Variants in EPS8 observed in about 807,000 individuals in gnomAD.
EPS8 encodes the protein EGFR pathway substrate 8, signaling adaptor.
A neutral mutation model predicts 103.8 loss-of-function variants in EPS8; 42 were observed. The observed-to-expected ratio is 0.40, with a 90% confidence interval of 0.32 to 0.52. The LOEUF (loss-of-function observed/expected upper bound fraction) is 0.52, where lower values mean the gene tolerates loss of function less well. Ranked by LOEUF, EPS8 falls within the 20% of genes least tolerant of loss-of-function variation. EPS8 has a pLI of 0.40. For synonymous variants in EPS8, 344 were observed against 344.6 expected, an observed-to-expected ratio of 1.00 and a Z score of 0.02; for missense variants, 969 against 1,005.1, an observed-to-expected ratio of 0.96 and a Z score of 0.49.
chr12:15,681,616 G>A (rs1338194333), intron 2 of EPS8, among the ~76,000 whole-genome samples: 1 of 150,674 alleles, frequency 6.6e-6, no homozygotes, highest in Non-Finnish European at 1.5e-5. Context: ...TGTAATCCCA[G>A]CTACTCGGGA....
At chr12:15,679,865 ATC>A (rs1349218363) in intron 3 of EPS8, among the ~76,000 whole-genome samples, 3 of 152,210 alleles carry the variant, frequency 2.0e-5, no homozygotes, top group Non-Finnish European at 4.4e-5. Flanking sequence ...CTTAATAAAT[ATC>A]TGTCTAGAAA....
chr12:15,766,677 T>C (rs1947102347), intron 1 of EPS8, among the ~76,000 whole-genome samples: 1 of 141,208 alleles, frequency 7.1e-6, no homozygotes, highest in Non-Finnish European at 1.5e-5. Context: ...AAACTCTGTC[T>C]CCAAAAAAAA....
chr12:15,717,842 G>A lies in EPS8; in HGVS notation c.-21-34870C>T, dbSNP rs1946549959. 6.6e-6 allele frequency among the ~76,000 whole-genome samples: 1 copy of A among 152,172 alleles called. No homozygotes were observed. Among genetic ancestry groups the A allele is most frequent in the African/African-American group, 2.4e-5 (1 of 41,434 alleles). ...GGTAGTTTTGCCTTAAATTGGCAATGTTTAGGAATGCATTAAGGGAAACAC... is the reference window on the plus strand; with the variant it reads ...GGTAGTTTTGCCTTAAATTGGCAATATTTAGGAATGCATTAAGGGAAACAC... On this transcript the variant is annotated intron_variant, in intron 1 of 20. Coordinates refer to ENST00000281172, the MANE Select transcript of EPS8 (RefSeq NM_004447.6). The surrounding 1 kb of genome is among the most constrained non-coding windows in gnomAD (Gnocchi z 4.3).
Position 15,738,972 on chromosome 12 carries a change from C to T in EPS8, c.-22+50189G>A, listed in dbSNP as rs1050919839. Among the ~76,000 whole-genome samples, 2 of 152,168 alleles carry T rather than the reference C, an allele frequency of 1.3e-5. No homozygotes were observed. Among genetic ancestry groups the T allele is most frequent in the Admixed American group, 1.3e-4 (2 of 15,278 alleles). Reference sequence around the variant, plus strand: ...ATTCTGACCCCTTAGTCCATGCAGGCATGTCTATGCAGATTGCTCTAATAT... The same window carrying T: ...ATTCTGACCCCTTAGTCCATGCAGGTATGTCTATGCAGATTGCTCTAATAT... On this transcript the variant is annotated intron_variant, in intron 1 of 20. Transcript: ENST00000281172. The surrounding 1 kb of genome is among the most constrained non-coding windows in gnomAD (Gnocchi z 6.2).
chr12:15,669,815 G>A lies in EPS8; in HGVS notation c.215C>T (p.Thr72Ile). 1 of 1,597,814 alleles carries A rather than the reference G, an allele frequency of 6.3e-7. No individual in the cohort carries two copies. Residue 72 changes from threonine (T) to isoleucine (I), a missense_variant, in exon 5 of 21, where the codon ACC (threonine) becomes ATC (isoleucine). Transcript: ENST00000281172. ...AGCATCTTTCCGATCCAGGACAAAG[G>A]TAGTCAAGTGCTTACAATTGGCAAA... ...ISQYRVEHLT[T>I]FVLDRKDAMI...
At chr12:15,711,271 C>T (rs1591884865) in intron 1 of EPS8, among the ~76,000 whole-genome samples, 2 of 152,048 alleles carry the variant, frequency 1.3e-5, no homozygotes, top group East Asian at 1.9e-4. Context: ...CCTACCTTGA[C>T]GATTTAATGA....
intron 18 of EPS8, among the ~76,000 whole-genome samples, chr12:15,629,545 T>C (rs1363115036): frequency 6.6e-6 from 1 of 152,244 alleles, no homozygotes; most frequent in African/African-American, 2.4e-5. Flanking sequence ...AAAACTCTTT[T>C]TAAAAACTCC....
intron 18 of EPS8, among the ~76,000 whole-genome samples, chr12:15,630,225 CAT>C (rs1491145863): frequency 1.7e-4 from 26 of 151,394 alleles, no homozygotes; most frequent in African/African-American, 4.6e-4. Context: ...CACACACACA[CAT>C]ACACACACAC....
chr12:15,788,940 C>A (rs1294832589), intron 1 of EPS8, among the ~76,000 whole-genome samples: 2 of 152,128 alleles, frequency 1.3e-5, no homozygotes. Flanking sequence ...CGGGTCTGCA[C>A]GGGCCCCACA....
chr12:15,689,835 A>C (rs1175554003), intron 1 of EPS8, among the ~76,000 whole-genome samples: 1 of 152,216 alleles, frequency 6.6e-6, no homozygotes. Flanking sequence ...GATTCACGGA[A>C]GTAGAAAGTA....
chr12:15,703,006 G>A (rs1028198571), intron 1 of EPS8, among the ~76,000 whole-genome samples: 2 of 152,142 alleles, frequency 1.3e-5, no homozygotes, highest in Admixed American at 1.3e-4. Flanking sequence ...AAAATTAGCT[G>A]GGTGCAGTGG....
chr12:15,623,462 G>C (rs1342885488), intron 19 of EPS8, among the ~76,000 whole-genome samples, 175 bp from the exon 20 acceptor site: 1 of 152,144 alleles, frequency 6.6e-6, no homozygotes, highest in African/African-American at 2.4e-5. Context: ...TTTCTTTCAT[G>C]ATGATGACCC....
At chr12:15,674,319 A>C (rs1945866746) in intron 3 of EPS8, among the ~76,000 whole-genome samples, 1 of 152,212 alleles carries the variant, frequency 6.6e-6, no homozygotes, top group Admixed American at 6.5e-5. Context: ...GTAACATAAA[A>C]GCAGCTGCTG....
rs1330925140 is a variant in EPS8, at chr12:15,787,413, T to A, written c.-22+1748A>T. ...ATAAAAACAAAATAAATCTTTAAGT[T>A]TGATCACAAACAAGCAAAATATTCA... On this transcript the variant is annotated intron_variant, in intron 1 of 20. Coordinates refer to ENST00000281172, the MANE Select transcript of EPS8 (RefSeq NM_004447.6). This position sits in a 1 kb window ranked among gnomAD's most constrained non-coding sequence, Gnocchi z 4.9. 6.6e-6 allele frequency among the ~76,000 whole-genome samples: 1 copy of A among 152,162 alleles called. No homozygotes were observed. The highest frequency in any genetic ancestry group is 1.9e-4 in the East Asian group (1 of 5,204).
At chr12:15,765,372 C>A (rs1947082802) in intron 1 of EPS8, among the ~76,000 whole-genome samples, 1 of 152,032 alleles carries the variant, frequency 6.6e-6, no homozygotes, top group Non-Finnish European at 1.5e-5. Flanking sequence ...CTACCCATAT[C>A]AACTGGTGAC....
At chr12:15,712,393 A>G (rs968218403) in intron 1 of EPS8, among the ~76,000 whole-genome samples, 3 of 152,238 alleles carry the variant, frequency 2.0e-5, no homozygotes, top group African/African-American at 7.2e-5. Flanking sequence ...TTTTCATAGT[A>G]CAACTAACAT....
chr12:15,662,999 C>CAAAA (rs5796644), intron 8 of EPS8, among the ~76,000 whole-genome samples: 2 of 128,690 alleles, frequency 1.6e-5, no homozygotes, highest in African/African-American at 2.9e-5. Context: ...CACTTGCCAA[C>CAAAA]AAAAAAAAAA....
chr12:15,639,298 G>C (rs1487425752), intron 17 of EPS8, among the ~76,000 whole-genome samples: 1 of 152,162 alleles, frequency 6.6e-6, no homozygotes, highest in East Asian at 1.9e-4. Context: ...TCATGAACCA[G>C]ACAGAAGCAT....
rs1013589599 is a variant in EPS8 at position 15,748,786 on chromosome 12, T to C, written c.-22+40375A>G. ...CTAAGCTTTTTCTCTTTTATTCACA[T>C]ATCCTCCTGAAAGGGCGAAAACATC... On this transcript the variant is annotated intron_variant, in intron 1 of 20. Coordinates refer to ENST00000281172, the MANE Select transcript of EPS8 (RefSeq NM_004447.6). This position sits in a 1 kb window ranked among gnomAD's most constrained non-coding sequence, Gnocchi z 4.8. Among the ~76,000 whole-genome samples, 1 of 152,170 alleles carries C rather than the reference T, an allele frequency of 6.6e-6. No homozygotes were observed. The highest frequency in any genetic ancestry group is 2.4e-5 in the African/African-American group (1 of 41,442).
Sources: gnomAD v4.1 joint callset for allele counts (sites outside exome capture counted in the v4.1 genomes callset) on GRCh38, gnomAD v4.1.1 for gene constraint, Gnocchi (gnomAD v3.1) non-coding constraint, MANE v1.5 for transcripts, NCBI Gene and HGNC (gene_info 2026-07-23, HGNC 2026-07-21) for gene names.